UBN2: variants seen among roughly 807,000 people sequenced by gnomAD.
The protein encoded by UBN2 is ubinuclein-2.
UBN2 carries 35 observed loss-of-function variants against 120.2 expected under a neutral mutation model. The ratio of observed to expected loss-of-function variants is 0.29; its 90% CI spans 0.22 to 0.39. UBN2 has a LOEUF of 0.39. UBN2 is among the 10% of genes least tolerant of loss of function. UBN2 has a pLI of 1.00. For synonymous variants in UBN2, 661 were observed against 648.7 expected (o/e 1.02, Z -0.29); for missense variants, 1,693 against 1,663.2 (o/e 1.02, Z -0.31).
chr7:139,297,681 A>G, intron 17 of UBN2, 106 bp from the exon 18 acceptor site: 1 of 965,998 alleles, frequency 1.0e-6, no homozygotes, highest in South Asian at 1.4e-5. Flanking sequence ...CTTTTCAGAG[A>G]TGTCATCCAC....
chr7:139,271,898 A>G lies in UBN2; in HGVS notation c.1597-424A>G, dbSNP rs115848295. 4.8e-3 allele frequency among the ~76,000 whole-genome samples: 728 copies of G among 152,320 alleles called. 6 individuals are homozygous for G. Among genetic ancestry groups the G allele is most frequent in the African/African-American group, 0.017 (697 of 41,572 alleles). On this transcript the variant is annotated intron_variant, in intron 8 of 17. Coordinates refer to ENST00000473989, the MANE Select transcript of UBN2 (RefSeq NM_173569.4). ...ACCAACGTCCGGTTGGTAGTCACCC[A>G]AACCAAACACGTGTCTTCGTGTTCC...
intron 4 of UBN2, 64 bp downstream of exon 4, chr7:139,258,689 T>TA (rs1796838749): frequency 7.1e-7 from 1 of 1,402,796 alleles, no homozygotes; most frequent in South Asian, 1.7e-5. Flanking sequence ...TTTTTAATGT[T>TA]ACTTGTGTCA....
At chr7:139,318,728 G>T in the UBN2 span, among the ~76,000 whole-genome samples, 1 of 152,062 alleles carries the variant, frequency 6.6e-6, no homozygotes, top group Admixed American at 6.6e-5. Context: ...CTTCTAGAGA[G>T]GACTTGATTT....
chr7:139,253,655 TAGG>T, intron 3 of UBN2, among the ~76,000 whole-genome samples: 1 of 152,298 alleles, frequency 6.6e-6, no homozygotes, highest in East Asian at 1.9e-4. Flanking sequence ...AAAAGGAATT[TAGG>T]AGAGCATTTA....
In UBN2 at chr7:139,301,985, G is replaced by A. The variant is rs1327608389; in HGVS notation, c.*4149G>A. On this transcript the variant is annotated 3_prime_UTR_variant, in exon 18 of 18. Coordinates refer to ENST00000473989, the MANE Select transcript of UBN2 (RefSeq NM_173569.4). ...AATTTTATTTTATAAAATTTTAAGG[G>A]GAAAAGTTTAACTCTTTGTAAATCA... 2.6e-5 allele frequency: 4 copies of A among 151,972 alleles called. No homozygotes were observed. The highest frequency in any genetic ancestry group is 4.4e-5 in the Non-Finnish European group (3 of 67,994). 9.4% of individuals were successfully genotyped at this position (151,972 alleles called of 1,614,324 possible). A position where few individuals can be genotyped will look rare whatever the true frequency, so the allele number is the denominator to read the frequency against.
At chr7:139,282,892 T>G in intron 14 of UBN2, 132 bp from the exon 15 acceptor site, 1 of 853,536 alleles carries the variant, frequency 1.2e-6, no homozygotes, top group Non-Finnish European at 1.7e-6. Flanking sequence ...TTATTTTTGT[T>G]TTGATAGTCT....
intron 3 of UBN2, among the ~76,000 whole-genome samples, chr7:139,257,850 A>C (rs1483561901): frequency 6.6e-6 from 1 of 152,156 alleles, no homozygotes; most frequent in Non-Finnish European, 1.5e-5. Context: ...CAATGACGCA[A>C]TCTTGGCTCA....
Position 139,284,147 on chromosome 7 carries a change from C to G in UBN2, c.3242C>G (p.Pro1081Arg), listed in dbSNP as rs753423287. 19 of 1,613,982 alleles carry G rather than the reference C, an allele frequency of 1.2e-5. No homozygotes were observed. The East Asian group carries it at 4.2e-4, about 36-fold the overall frequency. ...VSTKLISKSN[P>R]TPKPTVSPSS... is the part of the protein sequence containing the mutation. Reference sequence around the variant, plus strand: ...ACTAAACTTATTTCTAAATCCAACCCAACTCCCAAGCCTACTGTATCCCCA... The same window carrying G: ...ACTAAACTTATTTCTAAATCCAACCGAACTCCCAAGCCTACTGTATCCCCA... Residue 1081 changes from proline to arginine, a missense_variant, in exon 15 of 18, where the codon CCA (proline) becomes CGA (arginine). Coordinates refer to ENST00000473989, the MANE Select transcript of UBN2 (RefSeq NM_173569.4).
intron 6 of UBN2, among the ~76,000 whole-genome samples, chr7:139,262,839 T>C (rs774806197): frequency 6.6e-6 from 1 of 152,206 alleles, no homozygotes; most frequent in Non-Finnish European, 1.5e-5. Context: ...ATAGGTTTTT[T>C]TGTTATTCCA....
At chr7:139,247,156 A>C (rs891115481) in intron 2 of UBN2, among the ~76,000 whole-genome samples, 2 of 140,998 alleles carry the variant, frequency 1.4e-5, no homozygotes, top group Admixed American at 1.4e-4. Flanking sequence ...GCTTTAAAGG[A>C]AAAAAAAAAA....
In UBN2 at chr7:139,283,461, C is replaced by T. The variant is rs757671278; in HGVS notation, c.2556C>T (p.Ile852=). 2.5e-6 allele frequency: 4 copies of T among 1,614,144 alleles called. No homozygotes were observed. Among genetic ancestry groups the T allele is most frequent in the East Asian group, 4.5e-5 (2 of 44,886 alleles). ...CCCAGGATTTAGCTCATACTGGCAT[C>T]TCTTCAGGCCTTATTGCTGGTTCTT... The part of the protein sequence containing the change: ...KKPQDLAHTG[I]SSGLIAGSSI... Residue 852 remains isoleucine, a synonymous_variant, in exon 15 of 18, where the codon ATC becomes ATT. Transcript: ENST00000473989.
the UBN2 span, among the ~76,000 whole-genome samples, chr7:139,314,282 C>T: frequency 6.6e-6 from 1 of 151,286 alleles, no homozygotes; most frequent in South Asian, 2.1e-4. Flanking sequence ...TGGTGAAACC[C>T]CATCTCTACT....
rs1797704202 is a variant in UBN2, at chr7:139,284,128, C to T, written c.3223C>T (p.Leu1075Phe). 6.2e-7 allele frequency: 1 copy of T among 1,614,052 alleles called. No homozygotes were observed. The highest frequency in any genetic ancestry group is 8.5e-7 in the Non-Finnish European group (1 of 1,180,038). The change falls in exon 15 of 18, where the codon CTT becomes TTT. Residue 1075 changes from leucine (L) to phenylalanine (F), a missense_variant. Coordinates refer to ENST00000473989, the MANE Select transcript of UBN2 (RefSeq NM_173569.4). ...LSAKPSVSTK[L>F]ISKSNPTPKP... is the part of the protein sequence containing the mutation. ...AGCTAAGCCTTCAGTATCAACTAAA[C>T]TTATTTCTAAATCCAACCCAACTCC...
At chr7:139,266,226 CAAA>C (rs377760158) in intron 6 of UBN2, 104 bp from the exon 7 acceptor site, 10,012 of 336,232 alleles carry the variant, frequency 0.03, no homozygotes, top group Middle Eastern at 0.045. Flanking sequence ...GGCCCTATCT[CAAA>C]AAAAAAAAAA....
At chr7:139,255,672 G>T (rs1796743593) in intron 3 of UBN2, among the ~76,000 whole-genome samples, 1 of 151,934 alleles carries the variant, frequency 6.6e-6, no homozygotes, top group Admixed American at 6.6e-5. Flanking sequence ...AACAACTATG[G>T]TCGAACCAAA....
In UBN2 at chr7:139,231,923, C is replaced by G; in HGVS notation, c.439C>G (p.Pro147Ala). The change falls in exon 1 of 18, where the codon CCG (proline) becomes GCG (alanine). Residue 147 changes from proline to alanine, a missense_variant. Around this residue, in one of 5 missense-constraint regions of UBN2, gnomAD observed 663 missense variants for 591.2 expected, o/e 1.12. Transcript: ENST00000473989. ...TDESCVEFSY[P>A]ELLLCGEQRK... ...CGAGAGCTGCGTGGAGTTCAGTTAC[C>G]CGGAGCTGCTGCTGTGCGGAGAACA... 1 of 1,586,588 alleles carries G rather than the reference C, an allele frequency of 6.3e-7. No homozygotes were observed. Among genetic ancestry groups the G allele is most frequent in the South Asian group, 1.1e-5 (1 of 90,790 alleles).
chr7:139,266,250 AAAAC>A (rs1585007540), intron 6 of UBN2, 79 bp from the exon 7 acceptor site: 1 of 900,040 alleles, frequency 1.1e-6, no homozygotes, highest in Non-Finnish European at 1.7e-6. Context: ...AAAAAAGAAA[AAAAC>A]CTTTGAACAC....
chr7:139,231,455 GA>G lies in UBN2; in HGVS notation c.-29del, dbSNP rs139437904. 23,174 of 1,297,852 alleles carry G rather than the reference GA, an allele frequency of 0.018. 240 individuals are homozygous for G. The highest frequency in any genetic ancestry group is 0.021 in the Non-Finnish European group (21,303 of 1,016,842). The allele number at this position is 1,297,852 out of a possible 1,614,324, so 80.4% of individuals were successfully genotyped here. ...GCGCCGTAGAAGCGAGCGCCGGCTCGAGCAAAAGCGGAGGGCCAGAACAGTG... is the reference window on the plus strand; with the variant it reads ...GCGCCGTAGAAGCGAGCGCCGGCTCGGCAAAAGCGGAGGGCCAGAACAGTG... On this transcript the variant is annotated 5_prime_UTR_variant, in exon 1 of 18. Transcript: ENST00000473989.
intron 3 of UBN2, 123 bp downstream of exon 3, chr7:139,252,180 C>A: frequency 5.9e-6 from 4 of 675,374 alleles, no homozygotes; most frequent in Non-Finnish European, 9.6e-6. Context: ...AAGCCATGTT[C>A]ACTACTTAAA....
Sources: allele counts gnomAD v4.1 joint callset (sites outside exome capture counted in the v4.1 genomes callset), GRCh38; gene constraint gnomAD v4.1.1; regional missense constraint gnomAD v4.1.1; transcripts MANE v1.5; gene names NCBI Gene and HGNC (gene_info 2026-07-23, HGNC 2026-07-21).